Variants in ANK1 observed in about 807,000 individuals in gnomAD.
The protein encoded by ANK1 is ankyrin-1.
In ANK1, 51 loss-of-function variants were observed where a neutral mutation model predicts 210.4. The observed-to-expected ratio is 0.24, with a 90% CI of 0.19 to 0.31. The LOEUF (loss-of-function observed/expected upper bound fraction) is 0.31, where lower values mean the gene tolerates loss of function less well. Ranked by LOEUF, ANK1 falls within the 10% of genes least tolerant of loss-of-function variation. ANK1 has a pLI of 1.00. For synonymous variants in ANK1, 967 were observed against 1,025.9 expected (o/e 0.94, Z 1.10); for missense variants, 2,051 against 2,504.4 (o/e 0.82, Z 3.86).
rs1812727161 is a variant in ANK1, at chr8:41,672,504, T to C, written c.4946A>G (p.Lys1649Arg). 1 of 1,614,088 alleles carries C rather than the reference T, an allele frequency of 6.2e-7. No individual in the cohort carries two copies. Among genetic ancestry groups the C allele is most frequent in the Non-Finnish European group, 8.5e-7 (1 of 1,180,040 alleles). ...ATCCTGCCTCTTAGAACCTGGCAGCTTCTCTTCTGACCTCTGACCTTCCTC... is the reference window on the plus strand; with the variant it reads ...ATCCTGCCTCTTAGAACCTGGCAGCCTCTCTTCTGACCTCTGACCTTCCTC... ...EQEEGQRSEEKLPGSKRQDDA... is the reference protein window; with the variant it reads ...EQEEGQRSEERLPGSKRQDDA... Residue 1649 changes from lysine to arginine, a missense_variant, in exon 38 of 43, where the codon AAG becomes AGG. This residue lies in a region of ANK1 where 496 missense variants were observed against 533.4 expected (regional missense o/e 0.93). Transcript: ENST00000289734.
rs146518198 is a variant in ANK1 at position 41,696,688 on chromosome 8, G to A, written c.2723C>T (p.Pro908Leu). ...TSDNISPVAS[P>L]VHTGFLVSFM... Reference sequence around the variant, plus strand: ...GCCCGCCACTCACCCTGTATGCACCGGGCTGGCCACCGGGCTGATGTTGTC... The same window carrying A: ...GCCCGCCACTCACCCTGTATGCACCAGGCTGGCCACCGGGCTGATGTTGTC... Residue 908 changes from proline (P) to leucine (L), a missense_variant, in exon 25 of 43, where the codon CCG becomes CTG. Physicochemically the swap from Pro to Leu is moderately conservative, Grantham distance 98 (BLOSUM62 -3). Around this residue, in one of 6 missense-constraint regions of ANK1, gnomAD observed 1,413 missense variants for 1,707.4 expected, o/e 0.83. Transcript: ENST00000289734. 8 of 1,603,760 alleles carry A rather than the reference G, an allele frequency of 5.0e-6. No homozygotes were observed. Among genetic ancestry groups the A allele is most frequent in the Admixed American group, 1.7e-5 (1 of 59,992 alleles).
At chr8:41,896,209 C>T in intron 1 of ANK1, 2 of 1,204,694 alleles carry the variant, frequency 1.7e-6, no homozygotes, top group Non-Finnish European at 1.1e-6. Context: ...CTCCTCTACG[C>T]CCACCGAGCC....
chr8:41,724,537 C>T lies in ANK1; in HGVS notation c.630G>A (p.Leu210=). 1 of 1,597,188 alleles carries T rather than the reference C, an allele frequency of 6.3e-7. No homozygotes were observed. ...GGTTCTCGTAGTGAGCCGCAATGTG[C>T]AGGGGCGTGAATCCCGTCTGGGGCA... ...DVLSKTGFTP[L]HIAAHYENLN... Residue 210 remains leucine (L), a synonymous_variant, in exon 7 of 43, where the codon CTG becomes CTA. Coordinates refer to ENST00000289734, the MANE Select transcript of ANK1 (RefSeq NM_000037.4).
At chr8:41,757,809 T>C (rs986972592) in intron 2 of ANK1, among the ~76,000 whole-genome samples, 3 of 152,246 alleles carry the variant, frequency 2.0e-5, no homozygotes, top group African/African-American at 7.2e-5. Flanking sequence ...GCAGGGGATC[T>C]GTGCGGGCCT....
chr8:41,669,123 C>T (rs1470283718), intron 38 of ANK1, among the ~76,000 whole-genome samples: 3 of 151,146 alleles, frequency 2.0e-5, no homozygotes, highest in Admixed American at 2.0e-4. Flanking sequence ...AGGAGCACCC[C>T]GGGGTGCAGT....
intron 40 of ANK1, among the ~76,000 whole-genome samples, chr8:41,663,110 C>CTG (rs1443923513): frequency 1.6e-5 from 2 of 124,830 alleles, no homozygotes; most frequent in African/African-American, 6.7e-5. Context: ...CTCTCTCTCT[C>CTG]TCTCTGTGTG....
At chr8:41,725,195 G>A (rs149542641) in intron 6 of ANK1, among the ~76,000 whole-genome samples, 1,873 of 152,340 alleles carry the variant, frequency 0.012, 17 homozygotes, top group Non-Finnish European at 0.02. Flanking sequence ...GACAAAACCC[G>A]GTGGATCTGG....
At chr8:41,782,495 T>C (rs1845541135) in intron 1 of ANK1, among the ~76,000 whole-genome samples, 1 of 152,070 alleles carries the variant, frequency 6.6e-6, no homozygotes. Flanking sequence ...TAAGATCTTA[T>C]TTCCCAGAGG....
chr8:41,716,690 C>T (rs965052485), intron 13 of ANK1, among the ~76,000 whole-genome samples: 6 of 152,218 alleles, frequency 3.9e-5, no homozygotes, highest in Non-Finnish European at 5.9e-5. Context: ...CAACTGTCAT[C>T]GTTAGCCCAG....
chr8:41,778,017 C>T (rs1346100536), intron 1 of ANK1, among the ~76,000 whole-genome samples: 1 of 152,154 alleles, frequency 6.6e-6, no homozygotes, highest in African/African-American at 2.4e-5. Flanking sequence ...AAGTGCTTTT[C>T]GGGTGAGGGT....
intron 1 of ANK1, among the ~76,000 whole-genome samples, chr8:41,815,874 T>C (rs1264452537): frequency 6.6e-6 from 1 of 152,224 alleles, no homozygotes; most frequent in Non-Finnish European, 1.5e-5. Flanking sequence ...ATTTTGTCTC[T>C]ATAAAATTTA....
At chr8:41,826,059 C>G (rs181982773) in intron 1 of ANK1, among the ~76,000 whole-genome samples, 5 of 152,154 alleles carry the variant, frequency 3.3e-5, no homozygotes, top group Admixed American at 2.0e-4. Context: ...AATTAACAAG[C>G]CTTTAGTCCT....
In ANK1 at chr8:41,694,481, A is replaced by G; in HGVS notation, c.3327+111T>C. ...TTTAAACTCAGATCTCCACTGTGGC[A>G]TTTCAAAGCACCAGACAAAAGTGTG... On this transcript the variant is annotated intron_variant, in intron 28 of 42. Coordinates refer to ENST00000289734, the MANE Select transcript of ANK1 (RefSeq NM_000037.4). This position sits in a 1 kb window ranked among gnomAD's most constrained non-coding sequence, Gnocchi z 5.7. 8.9e-7 allele frequency: 1 copy of G among 1,129,164 alleles called. No individual in the cohort carries two copies. Among genetic ancestry groups the G allele is most frequent in the South Asian group, 1.4e-5 (1 of 73,004 alleles). The allele number at this position is 1,129,164 out of a possible 1,614,324, so 69.9% of individuals were successfully genotyped here. A position where few individuals can be genotyped will look rare whatever the true frequency, so the allele number is the denominator to read the frequency against.
chr8:41,872,379 C>T (rs1430168720), intron 1 of ANK1, among the ~76,000 whole-genome samples: 1 of 152,238 alleles, frequency 6.6e-6, no homozygotes, highest in Admixed American at 6.5e-5. Context: ...GTGCAGCTAT[C>T]CCATTAAATC....
At position 41,707,425 on chromosome 8, in the gene ANK1, C is replaced by T. The variant is rs182780687; in HGVS notation, c.1999-1184G>A. On this transcript the variant is annotated intron_variant, in intron 17 of 42. Transcript: ENST00000289734. ...GCCCTCCTCTGCCTTCTGCACACCC[C>T]GCAGGCTGCCCAGAGGCTTGTGGGC... 2.6e-4 allele frequency among the ~76,000 whole-genome samples: 40 copies of T among 152,334 alleles called. 1 individual carries two copies. The highest frequency in any genetic ancestry group is 9.4e-4 in the African/African-American group (39 of 41,570).
At chr8:41,736,693 G>C (rs1244060558) in intron 2 of ANK1, among the ~76,000 whole-genome samples, 3 of 152,212 alleles carry the variant, frequency 2.0e-5, no homozygotes, top group Non-Finnish European at 4.4e-5. Flanking sequence ...CACAAAACCA[G>C]CAAGCCTGGA....
intron 1 of ANK1, among the ~76,000 whole-genome samples, chr8:41,840,574 T>C (rs1808701252): frequency 6.6e-6 from 1 of 152,194 alleles, no homozygotes; most frequent in Non-Finnish European, 1.5e-5. Context: ...GCTGTCGCCC[T>C]GGCTTGCGGG....
intron 1 of ANK1, among the ~76,000 whole-genome samples, chr8:41,869,936 T>C (rs1815158398): frequency 6.6e-6 from 1 of 152,178 alleles, no homozygotes; most frequent in Admixed American, 6.5e-5. Flanking sequence ...CACAGATGAC[T>C]TACTAAGAAG....
At chr8:41,668,586 A>C (rs763198894) in intron 38 of ANK1, 22 bp from the exon 39 acceptor site, 3 of 1,606,118 alleles carry the variant, frequency 1.9e-6, no homozygotes, top group African/African-American at 2.7e-5. Flanking sequence ...AAGAAGCAGC[A>C]GATGGCCGGC....
Sources: gnomAD v4.1 joint callset for allele counts (sites outside exome capture counted in the v4.1 genomes callset) on GRCh38, gnomAD v4.1.1 for gene constraint, gnomAD v4.1.1 regional missense constraint, Gnocchi (gnomAD v3.1) non-coding constraint, MANE v1.5 for transcripts, NCBI Gene and HGNC (gene_info 2026-07-23, HGNC 2026-07-21) for gene names.